BLM: variants seen among roughly 807,000 people sequenced by gnomAD.
The protein encoded by BLM is recQ-like DNA helicase BLM.
Under a neutral mutation model 135.3 loss-of-function variants are expected in BLM, and 95 were observed. The ratio of observed to expected loss-of-function variants is 0.70; its 90% CI spans 0.59 to 0.83. BLM has a LOEUF of 0.83. Among genes scored for constraint, BLM ranks in the 40% least tolerant of loss-of-function variants. The probability of loss-of-function intolerance (pLI) is 0.00; values close to 1 mark genes in which losing one functional copy is unlikely to be tolerated. For synonymous variants in BLM, 520 were observed against 589.2 expected (o/e 0.88, Z 1.70); for missense variants, 1,518 against 1,663.9 (o/e 0.91, Z 1.53).
At chr15:90,756,826 A>G (rs1198147530) in intron 5 of BLM, among the ~76,000 whole-genome samples, 1 of 152,234 alleles carries the variant, frequency 6.6e-6, no homozygotes, top group Non-Finnish European at 1.5e-5. Context: ...CATTGACTCT[A>G]GAGTCCTACA....
chr15:90,785,823 TC>T (rs1896732720), intron 14 of BLM, among the ~76,000 whole-genome samples: 1 of 151,964 alleles, frequency 6.6e-6, no homozygotes, highest in African/African-American at 2.4e-5. Context: ...ATGAGCCACC[TC>T]GCCTGGCCTG....
intron 12 of BLM, among the ~76,000 whole-genome samples, chr15:90,770,219 G>T (rs776939165): frequency 1.3e-4 from 19 of 143,142 alleles, no homozygotes; most frequent in Non-Finnish European, 1.9e-4. Context: ...TGTCGCCCAG[G>T]CTGGAGTGCA....
intron 1 of BLM, among the ~76,000 whole-genome samples, chr15:90,727,156 GTGTTTT>G (rs113631411): frequency 0.03 from 4,492 of 152,032 alleles, 219 homozygotes; most frequent in African/African-American, 0.098. Flanking sequence ...ATACTTCATT[GTGTTTT>G]TGTTTTTGTT....
intron 1 of BLM, among the ~76,000 whole-genome samples, chr15:90,742,485 T>A (rs1895389939): frequency 6.6e-6 from 1 of 152,186 alleles, no homozygotes; most frequent in African/African-American, 2.4e-5. Context: ...AAAAGTAAGG[T>A]TTGACCTAGT....
intron 5 of BLM, among the ~76,000 whole-genome samples, chr15:90,757,790 C>T (rs1009870045): frequency 2.6e-5 from 4 of 152,184 alleles, no homozygotes; most frequent in African/African-American, 4.8e-5. Flanking sequence ...GTTTCCCCTG[C>T]AGCCCACCTA....
intron 1 of BLM, among the ~76,000 whole-genome samples, chr15:90,721,910 A>T (rs1894776279): frequency 6.6e-6 from 1 of 151,850 alleles, no homozygotes; most frequent in Non-Finnish European, 1.5e-5. Flanking sequence ...CAGCCTGGCG[A>T]CAGAGCAAGA....
At chr15:90,793,137 T>C (rs1896946536) in intron 15 of BLM, among the ~76,000 whole-genome samples, 1 of 151,278 alleles carries the variant, frequency 6.6e-6, no homozygotes, top group East Asian at 1.9e-4. Flanking sequence ...AAAATTATTT[T>C]CTTTTTTTTT....
intron 16 of BLM, among the ~76,000 whole-genome samples, chr15:90,795,169 A>C (rs1897000706): frequency 6.6e-6 from 1 of 152,176 alleles, no homozygotes; most frequent in Non-Finnish European, 1.5e-5. Flanking sequence ...AGACCGACAT[A>C]CATGTGTTCA....
intron 1 of BLM, among the ~76,000 whole-genome samples, chr15:90,726,155 ATCC>A (rs1386910403): frequency 6.6e-6 from 1 of 152,140 alleles, no homozygotes; most frequent in East Asian, 1.9e-4. Flanking sequence ...AGCATTCAAT[ATCC>A]TCCTTCTAGC....
intron 1 of BLM, among the ~76,000 whole-genome samples, chr15:90,734,292 C>CT (rs57619459): frequency 1.9e-3 from 268 of 144,726 alleles, no homozygotes; most frequent in African/African-American, 2.4e-3. Flanking sequence ...ATCAATACTT[C>CT]TTTTTTTTTT....
Position 90,804,319 on chromosome 15 carries a change from C to T in BLM, c.3711C>T (p.Tyr1237=). The T allele has an allele frequency of 6.2e-7, 1 of 1,614,158 alleles. No individual in the cohort carries two copies. Among genetic ancestry groups the T allele is most frequent in the Non-Finnish European group, 8.5e-7 (1 of 1,180,010 alleles). ...KSLGKVFGVH[Y]FNIFNTVTLK... ...TGGGGAAAGTTTTTGGTGTCCATTACTTCAATATTTTTAATACCGTCACTC... is the reference window on the plus strand; with the variant it reads ...TGGGGAAAGTTTTTGGTGTCCATTATTTCAATATTTTTAATACCGTCACTC... Residue 1237 remains tyrosine (Y), a synonymous_variant, in exon 19 of 22, where the codon TAC becomes TAT. Transcript: ENST00000355112.
rs1060500635 is a variant in BLM at position 90,747,416 on chromosome 15, T to G, written c.24T>G (p.Asn8Lys). MAAVPQN[N>K]LQEQLERHSA... ...TTATGGCTGCTGTTCCTCAAAATAA[T>G]CTACAGGAGCAACTAGAACGTCACT... Residue 8 changes from asparagine to lysine, a missense_variant, in exon 2 of 22, where the codon AAT becomes AAG. Asn to Lys is a moderately conservative substitution (Grantham distance 94). Transcript: ENST00000355112. 6.2e-7 allele frequency: 1 copy of G among 1,611,276 alleles called. No individual in the cohort carries two copies. The highest frequency in any genetic ancestry group is 8.5e-7 in the Non-Finnish European group (1 of 1,178,414).
chr15:90,759,630 A>C (rs1895908541), intron 5 of BLM, among the ~76,000 whole-genome samples: 1 of 151,406 alleles, frequency 6.6e-6, no homozygotes, highest in African/African-American at 2.4e-5. Context: ...TTGTGAGACA[A>C]AGTCTCACTT....
intron 8 of BLM, among the ~76,000 whole-genome samples, chr15:90,764,147 C>T (rs1210578552): frequency 6.6e-6 from 1 of 150,616 alleles, no homozygotes; most frequent in Non-Finnish European, 1.5e-5. Flanking sequence ...TTTTTTTTTC[C>T]AGGGCTTCCC....
In BLM at chr15:90,727,566, G is replaced by A. The variant is rs1894951331; in HGVS notation, c.-5+10126G>A. Reference sequence around the variant, plus strand: ...CCTTCTGAGAGTCTGAAATTTTGGTGGGAGGAAGGTGCCTAAGTGACCAGC... The same window carrying A: ...CCTTCTGAGAGTCTGAAATTTTGGTAGGAGGAAGGTGCCTAAGTGACCAGC... On this transcript the variant is annotated intron_variant, in intron 1 of 21. Coordinates refer to ENST00000355112, the MANE Select transcript of BLM (RefSeq NM_000057.4). Among the ~76,000 whole-genome samples the A allele has an allele frequency of 2.0e-5, 3 of 152,170 alleles. No homozygotes were observed. The South Asian group carries it at 6.2e-4, about 32-fold the overall frequency.
intron 20 of BLM, among the ~76,000 whole-genome samples, chr15:90,810,258 T>A (rs1210328319): frequency 6.6e-6 from 1 of 152,108 alleles, no homozygotes; most frequent in Non-Finnish European, 1.5e-5. Flanking sequence ...TTTCACTATG[T>A]TGGCCAGGCT....
chr15:90,794,292 G>A lies in BLM; in HGVS notation c.3145G>A (p.Gly1049Arg). 1 of 1,606,362 alleles carries A rather than the reference G, an allele frequency of 6.2e-7. No individual in the cohort carries two copies. Among genetic ancestry groups the A allele is most frequent in the Non-Finnish European group, 8.5e-7 (1 of 1,175,978 alleles). The change falls in exon 16 of 22, where the codon GGA (glycine) becomes AGA (arginine). Residue 1049 changes from glycine (G) to arginine (R), a missense_variant. Gly to Arg is a moderately radical substitution (Grantham distance 125). Coordinates refer to ENST00000355112, the MANE Select transcript of BLM (RefSeq NM_000057.4). ...IQLLAYFGEN[G>R]FNPDFCKKHP... is the part of the protein sequence containing the mutation. Reference sequence around the variant, plus strand: ...GCTTTTGGCCTACTTTGGTGAAAATGGATTTAATCCTGATTTTTGTAAGAA... The same window carrying A: ...GCTTTTGGCCTACTTTGGTGAAAATAGATTTAATCCTGATTTTTGTAAGAA...
chr15:90,735,190 C>A (rs916195763), intron 1 of BLM, among the ~76,000 whole-genome samples: 3 of 142,644 alleles, frequency 2.1e-5, no homozygotes, highest in African/African-American at 5.2e-5. Context: ...CAAATGAAAT[C>A]TTTTGTTCTA....
chr15:90,755,114 ACTCATGAACT>A, intron 5 of BLM, 176 bp downstream of exon 5: 1 of 709,206 alleles, frequency 1.4e-6, no homozygotes, highest in Non-Finnish European at 2.3e-6. Context: ...TGCCTGAACA[ACTCATGAACT>A]CATGCTCTCA....
Sources: gnomAD v4.1 joint callset for allele counts (sites outside exome capture counted in the v4.1 genomes callset) on GRCh38, gnomAD v4.1.1 for gene constraint, MANE v1.5 for transcripts, NCBI Gene and HGNC (gene_info 2026-07-23, HGNC 2026-07-21) for gene names.